SLC39A14: variants seen among roughly 807,000 people sequenced by gnomAD.
SLC39A14 encodes solute carrier family 39 member 14.
SLC39A14 carries 19 observed loss-of-function variants against 45.5 expected under a neutral mutation model. The ratio of observed to expected loss-of-function variants is 0.42; its 90% CI spans 0.29 to 0.61. The LOEUF is 0.61. Among genes scored for constraint, SLC39A14 ranks in the 20% least tolerant of loss-of-function variants. The pLI, the probability that SLC39A14 is intolerant of heterozygous loss-of-function variation, is 0.22. For missense variants in SLC39A14, 447 were observed against 616.5 expected, an observed-to-expected ratio of 0.73 and a Z score of 2.91; for synonymous variants, 264 against 251.3, an observed-to-expected ratio of 1.05 and a Z score of -0.48.
In SLC39A14 at chr8:22,428,635, G is replaced by T. The variant is rs527503107; in HGVS notation, c.1333-5256G>T. ...TTTTTGTATTTTTGGTAGAGACAGG[G>T]TTTCACCATGTTGGCCAGGCTGGTC... On this transcript the variant is annotated intron_variant, in intron 8 of 8. Coordinates refer to the SLC39A14 transcript ENST00000240095. 1.1e-4 allele frequency among the ~76,000 whole-genome samples: 16 copies of T among 151,660 alleles called. No individual in the cohort carries two copies. In the South Asian group the frequency reaches 3.1e-3, roughly 30 times the overall value.
chr8:22,377,869 T>A (rs1263873834), intron 1 of SLC39A14, among the ~76,000 whole-genome samples: 1 of 152,220 alleles, frequency 6.6e-6, no homozygotes, highest in Non-Finnish European at 1.5e-5. Context: ...GAATGCTTGA[T>A]CAGCATCTTA....
chr8:22,425,883 G>T (rs1273215232), downstream of SLC39A14, among the ~76,000 whole-genome samples: 4 of 140,964 alleles, frequency 2.8e-5, no homozygotes, highest in Non-Finnish European at 6.1e-5. Context: ...GCTCTAGATG[G>T]TTTTTGTTTT....
chr8:22,368,844 C>T (rs1254819312), intron 1 of SLC39A14, among the ~76,000 whole-genome samples: 1 of 152,130 alleles, frequency 6.6e-6, no homozygotes, highest in African/African-American at 2.4e-5. Context: ...CCTATCCTTA[C>T]CTCTTAAAAC....
chr8:22,422,639 ATTTG>A lies in SLC39A14; in HGVS notation c.*2943_*2946del. 2 of 982,830 alleles carry A rather than the reference ATTTG, an allele frequency of 2.0e-6. No individual in the cohort carries two copies. Among genetic ancestry groups the A allele is most frequent in the South Asian group, 9.4e-5 (2 of 21,214 alleles). 60.9% of individuals were successfully genotyped at this position (982,830 alleles called of 1,614,324 possible). A position where few individuals can be genotyped will look rare whatever the true frequency, so the allele number is the denominator to read the frequency against. On this transcript the variant is annotated 3_prime_UTR_variant, in exon 9 of 9. Transcript: ENST00000381237. ...AACTTATGTGGACTGTAAATGTTTT[ATTTG>A]TAAGATTCTATAAATAAAGCTATAT...
downstream of SLC39A14, among the ~76,000 whole-genome samples, chr8:22,427,325 C>T (rs1478003408): frequency 1.3e-5 from 2 of 152,016 alleles, no homozygotes; most frequent in Admixed American, 6.6e-5. Flanking sequence ...GGTTTGTCTT[C>T]CTGCGTTTGG....
intron 1 of SLC39A14, among the ~76,000 whole-genome samples, chr8:22,372,502 T>A (rs758197935): frequency 6.6e-6 from 1 of 152,242 alleles, no homozygotes; most frequent in South Asian, 2.1e-4. Context: ...TCTGCGCTTA[T>A]GTTTGCAGAA....
chr8:22,383,101 A>G (rs1833605514), intron 1 of SLC39A14, among the ~76,000 whole-genome samples: 1 of 152,084 alleles, frequency 6.6e-6, no homozygotes, highest in Admixed American at 6.6e-5. Flanking sequence ...TGGGTGTGGT[A>G]TGGTATGAGC....
At chr8:22,382,882 ATTT>A (rs1240746954) in intron 1 of SLC39A14, among the ~76,000 whole-genome samples, 1 of 142,112 alleles carries the variant, frequency 7.0e-6, no homozygotes, top group African/African-American at 2.6e-5. Flanking sequence ...GCCCCCGCTA[ATTT>A]TTTTTTTTTT....
chr8:22,430,375 G>C (rs1028861494), intron 8 of SLC39A14, among the ~76,000 whole-genome samples: 1 of 152,084 alleles, frequency 6.6e-6, no homozygotes, highest in Non-Finnish European at 1.5e-5. Context: ...GACCACAAGA[G>C]AGTTTTAACC....
At chr8:22,368,063 G>C (rs1052644923) in intron 1 of SLC39A14, among the ~76,000 whole-genome samples, 1 of 152,094 alleles carries the variant, frequency 6.6e-6, no homozygotes, top group Non-Finnish European at 1.5e-5. Context: ...GGAAAATTTC[G>C]TCAGCTCTGG....
intron 1 of SLC39A14, among the ~76,000 whole-genome samples, chr8:22,371,290 A>G (rs920405700): frequency 6.6e-6 from 1 of 152,120 alleles, no homozygotes; most frequent in Non-Finnish European, 1.5e-5. Context: ...GTGGAATGAG[A>G]AGGTGAATGC....
In SLC39A14 at chr8:22,421,282, C is replaced by T. The variant is rs150491604; in HGVS notation, c.*1584C>T. ...AAAAACTGTCCGCTCTCAGTAATCA[C>T]AAGCAGCATCCGTTTTGTTTTCTCT... On this transcript the variant is annotated 3_prime_UTR_variant, in exon 9 of 9. Transcript: ENST00000381237. The T allele has an allele frequency of 1.0e-6, 1 of 985,878 alleles. No individual in the cohort carries two copies. The highest frequency in any genetic ancestry group is 1.2e-6 in the Non-Finnish European group (1 of 829,936). The allele number at this position is 985,878 out of a possible 1,614,324, so 61.1% of individuals were successfully genotyped here.
chr8:22,404,019 G>A (rs1194627575), intron 1 of SLC39A14, among the ~76,000 whole-genome samples: 1 of 152,182 alleles, frequency 6.6e-6, no homozygotes, highest in African/African-American at 2.4e-5. Flanking sequence ...GCCTGATCAT[G>A]TCTCATCCAC....
chr8:22,425,900 G>GTTT (rs201657706), downstream of SLC39A14, among the ~76,000 whole-genome samples: 9 of 91,042 alleles, frequency 9.9e-5, no homozygotes, highest in East Asian at 5.3e-4. Flanking sequence ...TTTTTTTTTT[G>GTTT]TTTTTTTTTG....
rs192984644 is a variant in SLC39A14, at chr8:22,422,624, G to A, written c.*2926G>A. The A allele has an allele frequency of 8.1e-6, 8 of 981,952 alleles. No individual in the cohort carries two copies. In the East Asian group the frequency reaches 9.1e-4, roughly 112 times the overall value. 60.8% of individuals were successfully genotyped at this position (981,952 alleles called of 1,614,324 possible). Reference sequence around the variant, plus strand: ...TTAGAAAAGAAAATTAACTTATGTGGACTGTAAATGTTTTATTTGTAAGAT... The same window carrying A: ...TTAGAAAAGAAAATTAACTTATGTGAACTGTAAATGTTTTATTTGTAAGAT... On this transcript the variant is annotated 3_prime_UTR_variant, in exon 9 of 9. Coordinates refer to ENST00000381237, the MANE Select transcript of SLC39A14 (RefSeq NM_001128431.4).
intron 1 of SLC39A14, among the ~76,000 whole-genome samples, chr8:22,390,898 C>T (rs112851999): frequency 1.3e-3 from 200 of 152,104 alleles, no homozygotes; most frequent in Middle Eastern, 6.8e-3. Flanking sequence ...GTAACAGTCC[C>T]GCGGGGAGAG....
Position 22,417,730 on chromosome 8 carries a change from C to T in SLC39A14, c.1227C>T (p.Cys409=), listed in dbSNP as rs1292211303. The change falls in exon 8 of 9, where the codon TGC becomes TGT. Residue 409 remains cysteine (C), a synonymous_variant. Coordinates refer to ENST00000381237, the MANE Select transcript of SLC39A14 (RefSeq NM_001128431.4). ...TCAACTTCCTTTCTGCCTGCTGCTG[C>T]TACCTGGGTCTGGCCTTTGGCATCC... The part of the protein sequence containing the change: ...LFFNFLSACC[C]YLGLAFGILA... 6.2e-7 allele frequency: 1 copy of T among 1,614,196 alleles called. No individual in the cohort carries two copies. Among genetic ancestry groups the T allele is most frequent in the East Asian group, 2.2e-5 (1 of 44,884 alleles).
At position 22,415,965 on chromosome 8, in the gene SLC39A14, G is replaced by C. The variant is rs137890800; in HGVS notation, c.939+8G>C. On this transcript the variant is annotated splice_region_variant and intron_variant, in intron 6 of 8. Transcript: ENST00000381237. ...GGCTCGCTCTCTGTGCAGGTCAGTG[G>C]GCCACCAGCTGCTTGGTGGAGCCTC... 25,498 of 1,600,706 alleles carry C rather than the reference G, an allele frequency of 0.016. 267 individuals are homozygous for C. Among genetic ancestry groups the C allele is most frequent in the Admixed American group, 0.034 (1,981 of 58,884 alleles).
chr8:22,411,510 G>A (rs1013498505), intron 3 of SLC39A14, among the ~76,000 whole-genome samples: 5 of 152,230 alleles, frequency 3.3e-5, no homozygotes, highest in African/African-American at 9.6e-5. Flanking sequence ...CCAAGTGGTC[G>A]TGGTGTCACC....
Sources: gnomAD v4.1 joint callset for allele counts (sites outside exome capture counted in the v4.1 genomes callset) on GRCh38, gnomAD v4.1.1 for gene constraint, MANE v1.5 for transcripts, NCBI Gene and HGNC (gene_info 2026-07-23, HGNC 2026-07-21) for gene names.